CUX1: variants seen among roughly 807,000 people sequenced by gnomAD.
CUX1 encodes cut like homeobox 1.
Under a neutral mutation model 158.8 loss-of-function variants are expected in CUX1, and 31 were observed. That is an observed-to-expected ratio of 0.20 (90% CI 0.15 to 0.26). The LOEUF (loss-of-function observed/expected upper bound fraction) is 0.26, where lower values mean the gene tolerates loss of function less well. Ranked by LOEUF, CUX1 falls within the 10% of genes least tolerant of loss-of-function variation. The pLI is 1.00. For synonymous variants in CUX1, 879 were observed against 862.1 expected (o/e 1.02, Z -0.34); for missense variants, 1,589 against 2,014.6 (o/e 0.79, Z 4.04).
intron 10 of CUX1, 42 bp downstream of exon 10, chr7:102,170,592 C>G (rs1377993567): frequency 7.2e-7 from 1 of 1,396,718 alleles, no homozygotes; most frequent in Admixed American, 2.2e-5. Flanking sequence ...CCCGCCTGGC[C>G]TCCGCACCTT....
At chr7:101,977,564 C>G (rs1305249686) in intron 2 of CUX1, among the ~76,000 whole-genome samples, 1 of 152,056 alleles carries the variant, frequency 6.6e-6, no homozygotes, top group Admixed American at 6.6e-5. Context: ...ATGGTTTGAG[C>G]CCAAGAGATC....
intron 8 of CUX1, among the ~76,000 whole-genome samples, chr7:102,127,916 C>T (rs1193745316): frequency 6.6e-6 from 1 of 152,154 alleles, no homozygotes; most frequent in Non-Finnish European, 1.5e-5. Flanking sequence ...GGCATGATCT[C>T]GGCTCACTGC....
intron 2 of CUX1, among the ~76,000 whole-genome samples, chr7:101,977,360 C>T (rs1459478023): frequency 6.6e-6 from 1 of 152,162 alleles, no homozygotes; most frequent in African/African-American, 2.4e-5. Context: ...CTCCTTGTCT[C>T]TGTTCAGTCT....
intron 8 of CUX1, 66 bp downstream of exon 8, chr7:102,115,339 C>A: frequency 1.4e-6 from 2 of 1,422,658 alleles, no homozygotes; most frequent in Admixed American, 2.0e-5. Context: ...TTGAGTAGGG[C>A]AGGATCGAGA....
rs991734286 is a variant in CUX1 at position 102,250,133 on chromosome 7, C to T, written c.*1091C>T. 2.1e-5 allele frequency: 21 copies of T among 985,130 alleles called. No individual in the cohort carries two copies. Among genetic ancestry groups the T allele is most frequent in the Non-Finnish European group, 2.5e-5 (21 of 829,924 alleles). The allele number at this position is 985,130 out of a possible 1,614,324, so 61.0% of individuals were successfully genotyped here. A position where few individuals can be genotyped will look rare whatever the true frequency, so the allele number is the denominator to read the frequency against. The stretch of plus-strand genomic sequence containing the variant: ...CTTTTTAACCTCTAACCGCAGAGCA[C>T]GCTGATCAGACCTCATATCTTGGAG... On this transcript the variant is annotated 3_prime_UTR_variant, in exon 24 of 24. Coordinates refer to ENST00000292535, the MANE Select transcript of CUX1 (RefSeq NM_181552.4).
intron 3 of CUX1, among the ~76,000 whole-genome samples, chr7:102,064,281 C>T (rs1055635215): frequency 6.6e-6 from 1 of 152,098 alleles, no homozygotes; most frequent in Admixed American, 6.6e-5. Context: ...AACTCCTGGG[C>T]TCAAGCGACT....
chr7:102,220,472 TC>T (rs1554526541), intron 20 of CUX1, among the ~76,000 whole-genome samples: 1 of 152,166 alleles, frequency 6.6e-6, no homozygotes, highest in Non-Finnish European at 1.5e-5. Context: ...GAGCACAGGG[TC>T]AGTTCCGGAG....
At chr7:102,066,720 T>C (rs1331842152) in intron 3 of CUX1, among the ~76,000 whole-genome samples, 1 of 152,222 alleles carries the variant, frequency 6.6e-6, no homozygotes, top group Non-Finnish European at 1.5e-5. Context: ...GCTACCCACC[T>C]GCCTCTCTTA....
At chr7:102,119,293 C>CCT (rs3076538) in intron 8 of CUX1, among the ~76,000 whole-genome samples, 95,667 of 151,852 alleles carry the variant, frequency 0.63, 31,679 homozygotes, top group African/African-American at 0.8. Context: ...ATCCCTCTCC[C>CCT]GTTTTGGAGA....
intron 4 of CUX1, 146 bp from the exon 5 acceptor site, chr7:102,097,218 G>A: frequency 1.1e-6 from 1 of 939,312 alleles, no homozygotes; most frequent in Non-Finnish European, 1.5e-6. Flanking sequence ...CACCCAGCAA[G>A]GGGGCTGGCT....
At chr7:102,073,956 C>A (rs893716608) in intron 4 of CUX1, among the ~76,000 whole-genome samples, 1 of 152,198 alleles carries the variant, frequency 6.6e-6, no homozygotes, top group East Asian at 1.9e-4. Flanking sequence ...CCCACCGCTT[C>A]CCAGGTATTT....
intron 8 of CUX1, among the ~76,000 whole-genome samples, chr7:102,154,846 A>G (rs1836091693): frequency 6.6e-6 from 1 of 152,202 alleles, no homozygotes; most frequent in East Asian, 1.9e-4. Context: ...ATAGGGGCAC[A>G]CTGGAGCCAT....
In CUX1 at chr7:101,895,891, G is replaced by GTTTTTTT. The variant is rs66481506; in HGVS notation, c.31-20220_31-20214dup. On this transcript the variant is annotated intron_variant, in intron 1 of 23. Coordinates refer to ENST00000292535, the MANE Select transcript of CUX1 (RefSeq NM_181552.4). ...CACGTTTCCTTGTATCACCTGTAAA[G>GTTTTTTT]TTTTTTTTTTGTTTTTGTTTTTTTT... 2.7e-5 allele frequency among the ~76,000 whole-genome samples: 3 copies of GTTTTTTT among 112,716 alleles called. 1 individual carries two copies. Among genetic ancestry groups the GTTTTTTT allele is most frequent in the African/African-American group, 7.3e-5 (2 of 27,336 alleles). 73.9% of individuals were successfully genotyped at this position (112,716 alleles called of 152,430 possible). A position where few individuals can be genotyped will look rare whatever the true frequency, so the allele number is the denominator to read the frequency against.
rs141201706 is a variant in CUX1, at chr7:102,039,343, G to A, written c.189+11198G>A. Among the ~76,000 whole-genome samples, 718 of 152,238 alleles carry A rather than the reference G, an allele frequency of 4.7e-3. 7 individuals carry two copies. Among genetic ancestry groups the A allele is most frequent in the African/African-American group, 0.016 (669 of 41,550 alleles). On this transcript the variant is annotated intron_variant, in intron 3 of 23. Coordinates refer to ENST00000292535, the MANE Select transcript of CUX1 (RefSeq NM_181552.4). ...TGGTGTGCTCTGATACTGCTTGAGCGGGGAGGAAGCAGTGCCTTCAGCCCC... is the reference window on the plus strand; with the variant it reads ...TGGTGTGCTCTGATACTGCTTGAGCAGGGAGGAAGCAGTGCCTTCAGCCCC...
At chr7:102,080,910 A>G (rs1443675328) in intron 4 of CUX1, among the ~76,000 whole-genome samples, 2 of 152,250 alleles carry the variant, frequency 1.3e-5, no homozygotes, top group African/African-American at 4.8e-5. Flanking sequence ...ACTGGCCCCG[A>G]CCTTAGATCC....
chr7:101,822,722 A>G (rs1792807901), intron 1 of CUX1, among the ~76,000 whole-genome samples: 1 of 152,064 alleles, frequency 6.6e-6, no homozygotes, highest in Non-Finnish European at 1.5e-5. Context: ...CCAACATGGC[A>G]AAACCTCATC....
intron 2 of CUX1, among the ~76,000 whole-genome samples, chr7:101,958,206 T>A (rs748186649): frequency 1.7e-4 from 26 of 151,770 alleles, no homozygotes; most frequent in Non-Finnish European, 3.5e-4. Flanking sequence ...AACCCAAAGG[T>A]GGGAAGGGGC....
chr7:101,918,027 C>CA (rs1804436809), intron 2 of CUX1, among the ~76,000 whole-genome samples: 2 of 152,030 alleles, frequency 1.3e-5, no homozygotes, highest in East Asian at 1.9e-4. Flanking sequence ...AACAAAGAAA[C>CA]AAAAAAACCC....
chr7:102,251,080 T>C lies in CUX1; in HGVS notation c.*2038T>C, dbSNP rs1801461416. 2 of 985,208 alleles carry C rather than the reference T, an allele frequency of 2.0e-6. No individual in the cohort carries two copies. Among genetic ancestry groups the C allele is most frequent in the South Asian group, 4.7e-5 (1 of 21,292 alleles). 61.0% of individuals were successfully genotyped at this position (985,208 alleles called of 1,614,324 possible). A position where few individuals can be genotyped will look rare whatever the true frequency, so the allele number is the denominator to read the frequency against. On this transcript the variant is annotated 3_prime_UTR_variant, in exon 24 of 24. Coordinates refer to ENST00000292535, the MANE Select transcript of CUX1 (RefSeq NM_181552.4). The stretch of plus-strand genomic sequence containing the variant: ...GGGATAGACTGCCGGCAGTATTGGG[T>C]ATAATTTACAAGATGTAGTTGTCAT...
Sources: gnomAD v4.1 joint callset for allele counts (sites outside exome capture counted in the v4.1 genomes callset) on GRCh38, gnomAD v4.1.1 for gene constraint, MANE v1.5 for transcripts, NCBI Gene and HGNC (gene_info 2026-07-23, HGNC 2026-07-21) for gene names.